The following HDAC9 variants were observed in gnomAD, a reference collection of about 807,000 sequenced individuals.
HDAC9 encodes MEF-2 interacting transcription repressor (MITR) protein.
In HDAC9, 41 loss-of-function variants were observed where a neutral mutation model predicts 139.4. The observed-to-expected ratio is 0.29, with a 90% CI of 0.23 to 0.38. The LOEUF (loss-of-function observed/expected upper bound fraction) is 0.38, where lower values mean the gene tolerates loss of function less well. Among genes scored for constraint, HDAC9 ranks in the 10% least tolerant of loss-of-function variants. HDAC9 has a pLI of 1.00. For missense variants in HDAC9, 1,147 were observed against 1,297.0 expected (o/e 0.88, Z 1.78); for synonymous variants, 517 against 476.2 (o/e 1.09, Z -1.12).
chr7:18,536,322 T>C (rs1464303136), intron 2 of HDAC9, among the ~76,000 whole-genome samples: 1 of 152,158 alleles, frequency 6.6e-6, no homozygotes, highest in Non-Finnish European at 1.5e-5. Flanking sequence ...TTCTCTACTC[T>C]ACTATAAGCA....
chr7:18,790,609 A>G (rs1367584145), intron 16 of HDAC9, among the ~76,000 whole-genome samples: 6 of 152,244 alleles, frequency 3.9e-5, no homozygotes, highest in Admixed American at 6.5e-5. Context: ...TTGTAAATTC[A>G]GAATTAAGTA....
chr7:18,799,592 A>G (rs928633815), intron 17 of HDAC9, among the ~76,000 whole-genome samples: 2 of 152,228 alleles, frequency 1.3e-5, no homozygotes, highest in African/African-American at 4.8e-5. Context: ...CATTGTTAAA[A>G]TAAAAGAACC....
chr7:18,435,889 GTA>G (rs925946870), intron 1 of HDAC9, among the ~76,000 whole-genome samples: 3 of 148,320 alleles, frequency 2.0e-5, no homozygotes, highest in Admixed American at 6.8e-5. Flanking sequence ...ATATATATGT[GTA>G]TATATATAAT....
At chr7:18,280,593 A>C (rs1029715230) in intron 2 of HDAC9, among the ~76,000 whole-genome samples, 42 of 151,592 alleles carry the variant, frequency 2.8e-4, no homozygotes, top group South Asian at 1.7e-3. Flanking sequence ...GTCTCAAAAA[A>C]AAAAAACAAA....
intron 12 of HDAC9, among the ~76,000 whole-genome samples, chr7:18,674,742 A>G (rs1781394173): frequency 6.6e-6 from 1 of 152,002 alleles, no homozygotes; most frequent in African/African-American, 2.4e-5. Flanking sequence ...ATGTGGAGTC[A>G]TATTTTACTT....
chr7:18,799,339 T>C (rs1044340801), intron 17 of HDAC9, among the ~76,000 whole-genome samples: 5 of 152,238 alleles, frequency 3.3e-5, no homozygotes, highest in African/African-American at 1.2e-4. Context: ...TACTGTTTTG[T>C]TTAAAATGTC....
intron 1 of HDAC9, among the ~76,000 whole-genome samples, chr7:18,121,292 A>C (rs1784352669): frequency 6.6e-6 from 1 of 152,188 alleles, no homozygotes; most frequent in Non-Finnish European, 1.5e-5. Context: ...GCACATTGAA[A>C]AATATAGGCA....
At chr7:18,789,574 A>G (rs147758114) in intron 16 of HDAC9, among the ~76,000 whole-genome samples, 45 of 152,198 alleles carry the variant, frequency 3.0e-4, no homozygotes, top group African/African-American at 1.0e-3. Context: ...TACATCTTGC[A>G]TTATTTTTCC....
At chr7:18,833,393 G>C (rs1796000586) in intron 19 of HDAC9, among the ~76,000 whole-genome samples, 1 of 152,154 alleles carries the variant, frequency 6.6e-6, no homozygotes, top group Non-Finnish European at 1.5e-5. Context: ...TTTTTCTGCT[G>C]TTCAAATTGT....
At chr7:18,628,360 T>C (rs1252397548) in intron 6 of HDAC9, among the ~76,000 whole-genome samples, 1 of 152,154 alleles carries the variant, frequency 6.6e-6, no homozygotes, top group Non-Finnish European at 1.5e-5. Context: ...AGGCATAGGC[T>C]TTCCAGATGT....
intron 17 of HDAC9, among the ~76,000 whole-genome samples, chr7:18,823,610 G>A (rs1263998457): frequency 4.6e-5 from 7 of 152,126 alleles, no homozygotes; most frequent in Admixed American, 3.3e-4. Flanking sequence ...CTGTATTTCA[G>A]TACAGGCCTA....
At chr7:18,405,119 A>C (rs374575956) in intron 1 of HDAC9, among the ~76,000 whole-genome samples, 4 of 152,212 alleles carry the variant, frequency 2.6e-5, no homozygotes, top group African/African-American at 4.8e-5. Context: ...CTCCATATAG[A>C]TAGTGGCCCC....
At chr7:18,318,483 A>AC (rs1799809011) in intron 1 of HDAC9, among the ~76,000 whole-genome samples, 1 of 152,218 alleles carries the variant, frequency 6.6e-6, no homozygotes, top group African/African-American at 2.4e-5. Flanking sequence ...ACCTGGAGTC[A>AC]CCTGTGGAGA....
At chr7:18,570,270 A>G (rs1362802872) in intron 2 of HDAC9, among the ~76,000 whole-genome samples, 1 of 152,228 alleles carries the variant, frequency 6.6e-6, no homozygotes, top group Non-Finnish European at 1.5e-5. Flanking sequence ...TAAATTTGGA[A>G]TTCTTAAGTA....
intron 1 of HDAC9, among the ~76,000 whole-genome samples, chr7:18,414,233 G>A (rs548649252): frequency 1.3e-5 from 2 of 151,886 alleles, no homozygotes; most frequent in African/African-American, 4.8e-5. Flanking sequence ...TTTTGTTAAA[G>A]GAAATATCCT....
At chr7:18,380,001 T>C (rs992822616) in intron 1 of HDAC9, among the ~76,000 whole-genome samples, 1 of 152,154 alleles carries the variant, frequency 6.6e-6, no homozygotes, top group African/African-American at 2.4e-5. Context: ...GTAGAATGAA[T>C]GGAGTAACAC....
chr7:18,097,044 A>T (rs1208903045), intron 1 of HDAC9, among the ~76,000 whole-genome samples: 1 of 152,156 alleles, frequency 6.6e-6, no homozygotes, highest in Non-Finnish European at 1.5e-5. Context: ...GCTCTGCAAC[A>T]TCATAGCCAC....
At chr7:18,314,824 G>T (rs1225562453) in intron 1 of HDAC9, among the ~76,000 whole-genome samples, 1 of 152,146 alleles carries the variant, frequency 6.6e-6, no homozygotes, top group Non-Finnish European at 1.5e-5. Flanking sequence ...TAACTTTGTG[G>T]CTGTCTTTTA....
chr7:18,545,748 A>G (rs112081033), intron 2 of HDAC9, among the ~76,000 whole-genome samples: 3 of 152,352 alleles, frequency 2.0e-5, no homozygotes, highest in African/African-American at 7.2e-5. Flanking sequence ...AATGGCAGGT[A>G]TGAAATGAAT....
Sources: gnomAD v4.1 joint callset for allele counts (sites outside exome capture counted in the v4.1 genomes callset) on GRCh38, gnomAD v4.1.1 for gene constraint, MANE v1.5 for transcripts, NCBI Gene and HGNC (gene_info 2026-07-23, HGNC 2026-07-21) for gene names.